PAQR5: variants seen among roughly 807,000 people sequenced by gnomAD.
The protein encoded by PAQR5 is membrane progestin receptor gamma.
Under a neutral mutation model 34.5 loss-of-function variants are expected in PAQR5, and 20 were observed. The ratio of observed to expected loss-of-function variants is 0.58; its 90% CI spans 0.41 to 0.84. PAQR5 has a LOEUF of 0.84. Among genes scored for constraint, PAQR5 ranks in the 40% least tolerant of loss-of-function variants. The probability of loss-of-function intolerance (pLI) is 0.00; values close to 1 mark genes in which losing one functional copy is unlikely to be tolerated. For missense variants in PAQR5, 378 were observed against 412.7 expected (o/e 0.92, Z 0.73); for synonymous variants, 131 against 155.6 (o/e 0.84, Z 1.18).
At position 69,308,178 on chromosome 15, in the gene PAQR5, G is replaced by A. The variant is rs137985845; in HGVS notation, c.-277+9122G>A. On this transcript the variant is annotated intron_variant, in intron 1 of 8. Coordinates refer to ENST00000395407, the MANE Select transcript of PAQR5 (RefSeq NM_017705.4). ...CTCAGTGTGGCTCAATCCCTGCCCT[G>A]GGCATGTCATATCAATCCACACATT... is the stretch of plus-strand genomic sequence containing the variant. 3.7e-3 allele frequency among the ~76,000 whole-genome samples: 565 copies of A among 152,254 alleles called. 10 individuals carry two copies. Among genetic ancestry groups the A allele is most frequent in the African/African-American group, 0.013 (524 of 41,526 alleles).
At chr15:69,314,630 G>T (rs1426842909) in intron 1 of PAQR5, 4 of 152,384 alleles carry the variant, frequency 2.6e-5, no homozygotes, top group Non-Finnish European at 5.9e-5. Context: ...GTCTGAGGAG[G>T]TGAATTCCAG....
intron 5 of PAQR5, among the ~76,000 whole-genome samples, chr15:69,389,194 T>G (rs1475021935): frequency 2.6e-5 from 4 of 152,160 alleles, no homozygotes; most frequent in Admixed American, 1.3e-4. Flanking sequence ...GTGCACACTC[T>G]GAGTAGAGCT....
At chr15:69,373,619 T>C (rs1485075780) in intron 3 of PAQR5, among the ~76,000 whole-genome samples, 1 of 152,146 alleles carries the variant, frequency 6.6e-6, no homozygotes, top group East Asian at 1.9e-4. Context: ...CTTTTCTTTT[T>C]TCGAGTCAGA....
chr15:69,300,590 CTTCTTTCT>C (rs71147600), intron 1 of PAQR5, among the ~76,000 whole-genome samples: 5,708 of 42,406 alleles, frequency 0.13, 1,247 homozygotes, highest in Non-Finnish European at 0.16. Context: ...TCTTTCTTTC[CTTCTTTCT>C]TTCTTTCTTT....
intron 3 of PAQR5, among the ~76,000 whole-genome samples, chr15:69,373,793 G>A (rs1425974029): frequency 6.6e-6 from 1 of 152,106 alleles, no homozygotes; most frequent in Non-Finnish European, 1.5e-5. Flanking sequence ...TAGTAGAGAT[G>A]AGGTTTCACT....
intron 1 of PAQR5, among the ~76,000 whole-genome samples, chr15:69,323,740 T>C (rs1320204350): frequency 3.3e-5 from 5 of 152,196 alleles, no homozygotes; most frequent in Non-Finnish European, 4.4e-5. Flanking sequence ...ATCCCTAGAT[T>C]TGCTGATCTA....
rs970082691 is a variant in PAQR5, at chr15:69,385,745, C to A, written c.385+863C>A. Among the ~76,000 whole-genome samples, 1 of 151,994 alleles carries A rather than the reference C, an allele frequency of 6.6e-6. No individual in the cohort carries two copies. Among genetic ancestry groups the A allele is most frequent in the African/African-American group, 2.4e-5 (1 of 41,354 alleles). On this transcript the variant is annotated intron_variant, in intron 5 of 8. Transcript: ENST00000395407. The surrounding 1 kb of genome is among the most constrained non-coding windows in gnomAD (Gnocchi z 4.7). ...CTCTTTCTTCATATACACACGTTCA[C>A]ACTCACACAAACACACACTCATGCA...
intron 7 of PAQR5, 137 bp from the exon 8 acceptor site, chr15:69,399,837 C>T: frequency 2.5e-6 from 2 of 808,612 alleles, no homozygotes; most frequent in Non-Finnish European, 3.9e-6. Flanking sequence ...AGGGCCTTGG[C>T]CTCTGGAGTT....
Position 69,403,718 on chromosome 15 carries a change from G to T in PAQR5, c.889G>T (p.Gly297Ter), listed in dbSNP as rs2056705377. The T allele has an allele frequency of 1.9e-6, 3 of 1,614,010 alleles. No individual in the cohort carries two copies. The South Asian group carries it at 3.3e-5, about 18-fold the overall frequency. Residue 297 changes from glycine (G) to a stop codon, truncating the protein, a stop_gained, in exon 9 of 9, where the codon GGA becomes TGA. Coordinates refer to ENST00000395407, the MANE Select transcript of PAQR5 (RefSeq NM_017705.4). LOFTEE classifies it high-confidence loss of function. Reference protein sequence around the residue: ...SKPFSFSQIAGAILLCIIFSL... With the variant: ...SKPFSFSQIA ...GCCCTTCTCTTTCTCTCAGATAGCTGGAGCCATACTTCTGTGCATCATCTT... is the reference window on the plus strand; with the variant it reads ...GCCCTTCTCTTTCTCTCAGATAGCTTGAGCCATACTTCTGTGCATCATCTT...
chr15:69,375,503 T>G (rs1362777026), intron 3 of PAQR5, among the ~76,000 whole-genome samples: 3 of 152,162 alleles, frequency 2.0e-5, no homozygotes, highest in African/African-American at 7.2e-5. Context: ...AAGAAGAATC[T>G]AAGGCTCAGA....
At chr15:69,397,705 C>A (rs2056490228) in intron 7 of PAQR5, 141 bp downstream of exon 7, 1 of 665,652 alleles carries the variant, frequency 1.5e-6, no homozygotes, top group Non-Finnish European at 2.7e-6. Flanking sequence ...AGGGGGCCAG[C>A]CCCTCCACAC....
chr15:69,395,905 G>T (rs1335399633), intron 6 of PAQR5, among the ~76,000 whole-genome samples: 2 of 152,068 alleles, frequency 1.3e-5, no homozygotes, highest in African/African-American at 4.8e-5. Context: ...GAGTGAAGTT[G>T]GGGTTTGTCT....
intron 1 of PAQR5, among the ~76,000 whole-genome samples, chr15:69,329,459 C>CTT (rs2054328781): frequency 9.1e-6 from 1 of 109,510 alleles, no homozygotes; most frequent in Admixed American, 9.1e-5. Flanking sequence ...TTTATTTTTT[C>CTT]TTTCTTTTTT....
At chr15:69,370,314 G>A (rs941660208) in intron 3 of PAQR5, among the ~76,000 whole-genome samples, 2 of 152,112 alleles carry the variant, frequency 1.3e-5, no homozygotes, top group Admixed American at 6.6e-5. Context: ...AAAATGGGTC[G>A]ACAGTCCTTG....
rs555381885 is a variant in PAQR5 at position 69,339,805 on chromosome 15, T to C, written c.-116+2304T>C. Among the ~76,000 whole-genome samples, 37 of 151,898 alleles carry C rather than the reference T, an allele frequency of 2.4e-4. No homozygotes were observed. The South Asian group carries it at 2.7e-3, about 11-fold the overall frequency. On this transcript the variant is annotated intron_variant, in intron 2 of 8. Transcript: ENST00000395407. ...AATCTTTAGAATGTACCAGAGCATGTGTGACTCTAGGTGGAAAAAAATCCA... is the reference window on the plus strand; with the variant it reads ...AATCTTTAGAATGTACCAGAGCATGCGTGACTCTAGGTGGAAAAAAATCCA...
Position 69,401,734 on chromosome 15 carries a change from C to CA in PAQR5, c.751+1620dup, listed in dbSNP as rs552645608. On this transcript the variant is annotated intron_variant, in intron 8 of 8. Transcript: ENST00000395407. ...TCATTAACAAGATTTGGAACATTCT[C>CA]AGTCCTTAACTAACAGAGTCTGCTG... 1.7e-3 allele frequency among the ~76,000 whole-genome samples: 262 copies of CA among 152,360 alleles called. 1 individual carries two copies. The highest frequency in any genetic ancestry group is 6.1e-3 in the African/African-American group (253 of 41,588).
intron 2 of PAQR5, among the ~76,000 whole-genome samples, chr15:69,358,841 C>T (rs1052757699): frequency 5.9e-5 from 9 of 151,986 alleles, no homozygotes; most frequent in Non-Finnish European, 1.3e-4. Context: ...GTCTTGAACT[C>T]TGGGGCTCAA....
chr15:69,347,738 A>C (rs1451600385), intron 2 of PAQR5, among the ~76,000 whole-genome samples: 3 of 152,220 alleles, frequency 2.0e-5, no homozygotes, highest in African/African-American at 7.2e-5. Context: ...CTTTTGGTCC[A>C]TAGACACTGT....
At chr15:69,302,513 C>T (rs570131005) in intron 1 of PAQR5, among the ~76,000 whole-genome samples, 48 of 152,276 alleles carry the variant, frequency 3.2e-4, no homozygotes, top group African/African-American at 1.0e-3. Context: ...TCTTGTTCAT[C>T]GAAGGCCAGG....
Sources: gnomAD v4.1 joint callset for allele counts (sites outside exome capture counted in the v4.1 genomes callset) on GRCh38, gnomAD v4.1.1 for gene constraint, Gnocchi (gnomAD v3.1) non-coding constraint, MANE v1.5 for transcripts, NCBI Gene and HGNC (gene_info 2026-07-23, HGNC 2026-07-21) for gene names.